Variants in NTRK1 observed in about 807,000 individuals in gnomAD.
The protein encoded by NTRK1 is neurotrophic receptor tyrosine kinase 1, also known as high affinity nerve growth factor receptor.
A neutral mutation model predicts 86.8 loss-of-function variants in NTRK1; 62 were observed. That is an observed-to-expected ratio of 0.71 (90% CI 0.58 to 0.88). The LOEUF (loss-of-function observed/expected upper bound fraction) is 0.88. Among genes scored for constraint, NTRK1 ranks in the 40% least tolerant of loss-of-function variants. NTRK1 has a pLI of 0.00. For synonymous variants in NTRK1, 469 were observed against 456.6 expected, an observed-to-expected ratio of 1.03 and a Z score of -0.35; for missense variants, 967 against 1,078.4, an observed-to-expected ratio of 0.90 and a Z score of 1.45.
At chr1:156,816,881 C>T (rs779679427) in intron 1 of NTRK1, 32 of 504,554 alleles carry the variant, frequency 6.3e-5, no homozygotes, top group Middle Eastern at 5.7e-4. Context: ...AGCCTTAAGA[C>T]GATTGTCCCA....
intron 15 of NTRK1, 82 bp downstream of exon 15, chr1:156,879,444 C>G (rs563492890): frequency 6.6e-7 from 1 of 1,513,398 alleles, no homozygotes; most frequent in Admixed American, 1.8e-5. Context: ...AGAGCCTGCC[C>G]TTGCTAGGAT....
Position 156,869,205 on chromosome 1 carries a change from G to A in NTRK1, c.717+558G>A, listed in dbSNP as rs546483331. On this transcript the variant is annotated intron_variant, in intron 6 of 16. Coordinates refer to ENST00000524377, the MANE Select transcript of NTRK1 (RefSeq NM_002529.4). Reference sequence around the variant, plus strand: ...TGCGATTCTCCTGCCTCAGCCTCCCGAGTAGCTGGGAGTACAGGCACGCGC... The same window carrying A: ...TGCGATTCTCCTGCCTCAGCCTCCCAAGTAGCTGGGAGTACAGGCACGCGC... Among the ~76,000 whole-genome samples the A allele has an allele frequency of 1.4e-4, 22 of 152,140 alleles. No homozygotes were observed. In the South Asian group the frequency reaches 3.7e-3, roughly 26 times the overall value.
chr1:156,862,482 G>A (rs763327806), intron 1 of NTRK1, among the ~76,000 whole-genome samples: 2 of 152,176 alleles, frequency 1.3e-5, no homozygotes, highest in Non-Finnish European at 2.9e-5. Flanking sequence ...GTCCAGCAGG[G>A]TAGGGATGGG....
intron 2 of NTRK1, chr1:156,851,166 A>G: frequency 1.0e-6 from 1 of 999,472 alleles, no homozygotes; most frequent in African/African-American, 1.6e-5. Flanking sequence ...AAGTTAACCT[A>G]CTTAGAGTCA....
chr1:156,855,125 AGTC>A (rs1655360982), intron 2 of NTRK1, among the ~76,000 whole-genome samples: 1 of 151,956 alleles, frequency 6.6e-6, no homozygotes, highest in Non-Finnish European at 1.5e-5. Context: ...CACCTCCTTA[AGTC>A]TGGCCAAATG....
At position 156,842,065 on chromosome 1, in the gene NTRK1, T is replaced by G. The variant is rs1245400627; in HGVS notation, c.-63-16T>G. 2.5e-6 allele frequency: 4 copies of G among 1,609,604 alleles called. No individual in the cohort carries two copies. The Admixed American group carries it at 6.7e-5, about 27-fold the overall frequency. ...TCTCCTGATGCCTAGCTTAAGGGAG[T>G]CTCTCTACTTTTCAGGCCGCCCTCA... On this transcript the variant is annotated splice_polypyrimidine_tract_variant and intron_variant, in intron 1 of 16. Coordinates refer to the NTRK1 transcript ENST00000392302.
chr1:156,860,717 G>A, upstream of NTRK1: 1 of 880,890 alleles, frequency 1.1e-6, no homozygotes, highest in Non-Finnish European at 1.6e-6. Context: ...GACGCTGGGG[G>A]CCCCTAACAG....
intron 1 of NTRK1, among the ~76,000 whole-genome samples, chr1:156,838,935 T>C (rs1654668981): frequency 6.6e-6 from 1 of 152,188 alleles, no homozygotes; most frequent in South Asian, 2.1e-4. Context: ...AGTGTGCAGG[T>C]CTCAGAGCCA....
At position 156,841,263 on chromosome 1, in the gene NTRK1, G is replaced by T. The variant is rs113794909; in HGVS notation, c.-63-818G>T. 6.6e-4 allele frequency: 675 copies of T among 1,028,282 alleles called. 7 individuals are homozygous for T. In the African/African-American group the frequency reaches 9.3e-3, roughly 14 times the overall value. The allele number at this position is 1,028,282 out of a possible 1,614,324, so 63.7% of individuals were successfully genotyped here. A position where few individuals can be genotyped will look rare whatever the true frequency, so the allele number is the denominator to read the frequency against. ...TGGGAGTCTTGGGGGTTTGGGATAG[G>T]GGGGTGGCGCTCATAGCTGAGGGTC... On this transcript the variant is annotated intron_variant, in intron 1 of 16. Coordinates refer to the NTRK1 transcript ENST00000392302.
Position 156,853,901 on chromosome 1 carries a change from C to G in NTRK1, c.51-10453C>G, listed in dbSNP as rs200515586. 1.7e-5 allele frequency: 28 copies of G among 1,614,072 alleles called. No homozygotes were observed. Among genetic ancestry groups the G allele is most frequent in the Non-Finnish European group, 3.4e-6 (4 of 1,180,050 alleles). ...CTTGTTGCCCACGATGTGGTTGGCG[C>G]CAGGTGCTGGCTGCAGCAGTCCCCA... On this transcript the variant is annotated intron_variant, in intron 2 of 16. Transcript: ENST00000392302.
At chr1:156,871,111 T>C (rs1410882110) in intron 6 of NTRK1, among the ~76,000 whole-genome samples, 7 of 152,200 alleles carry the variant, frequency 4.6e-5, no homozygotes, top group African/African-American at 1.7e-4. Flanking sequence ...GAGGTCCTAG[T>C]GGGGTCTCCA....
intron 2 of NTRK1, chr1:156,848,894 C>A (rs1655103009): frequency 6.5e-7 from 1 of 1,549,924 alleles, no homozygotes; most frequent in South Asian, 1.2e-5. Flanking sequence ...GTCCCGCCCC[C>A]GCTCCGGCCC....
At chr1:156,845,247 T>A in intron 2 of NTRK1, 1 of 1,611,234 alleles carries the variant, frequency 6.2e-7, no homozygotes, top group East Asian at 2.2e-5. Context: ...TCCGAGCTGT[T>A]GCCCCCCAGC....
chr1:156,853,742 C>T (rs775831182), intron 2 of NTRK1: 7 of 1,589,492 alleles, frequency 4.4e-6, no homozygotes, highest in Non-Finnish European at 6.0e-6. Context: ...TGTTCTGTGC[C>T]AGTGCCCACC....
chr1:156,843,571 G>C lies in NTRK1; in HGVS notation c.50+1378G>C, dbSNP rs981200224. 1.2e-5 allele frequency: 16 copies of C among 1,333,380 alleles called. No individual in the cohort carries two copies. In the African/African-American group the frequency reaches 1.9e-4, roughly 16 times the overall value. The allele number at this position is 1,333,380 out of a possible 1,614,324, so 82.6% of individuals were successfully genotyped here. ...AGGAAGAAGGACATTTCAAGGAGGAGGGAAGTTACTGACCACACCCCCAGC... is the reference window on the plus strand; with the variant it reads ...AGGAAGAAGGACATTTCAAGGAGGACGGAAGTTACTGACCACACCCCCAGC... On this transcript the variant is annotated intron_variant, in intron 2 of 16. Transcript: ENST00000392302.
At chr1:156,849,350 C>A in intron 2 of NTRK1, 1 of 1,613,918 alleles carries the variant, frequency 6.2e-7, no homozygotes, top group Non-Finnish European at 8.5e-7. Context: ...CAAGCAGAGG[C>A]GCGGGTTGAA....
intron 1 of NTRK1, among the ~76,000 whole-genome samples, chr1:156,835,275 A>T (rs1196315720): frequency 6.6e-6 from 1 of 152,146 alleles, no homozygotes; most frequent in African/African-American, 2.4e-5. Context: ...AATAAAATGG[A>T]CTTTGTCCCA....
intron 1 of NTRK1, among the ~76,000 whole-genome samples, chr1:156,817,047 T>TTCTCCCTCTCTC (rs148320709): frequency 2.6e-5 from 3 of 113,782 alleles, no homozygotes; most frequent in Non-Finnish European, 5.5e-5. Flanking sequence ...GAACTTCCCT[T>TTCTCCCTCTCTC]TCTCTCTCTC....
rs2102869987 is a variant in NTRK1, at chr1:156,854,036, A to G, written c.51-10318A>G. ...CACGTCACGCAGATGTGGCATCTCA[A>G]AGATGACCAGTGCATAGCCCAGGAA... On this transcript the variant is annotated intron_variant, in intron 2 of 16. Transcript: ENST00000392302. The surrounding 1 kb of genome is among the most constrained non-coding windows in gnomAD (Gnocchi z 4.2). 1 of 1,614,102 alleles carries G rather than the reference A, an allele frequency of 6.2e-7. No homozygotes were observed. The highest frequency in any genetic ancestry group is 8.5e-7 in the Non-Finnish European group (1 of 1,180,016).
Sources: allele counts gnomAD v4.1 joint callset (sites outside exome capture counted in the v4.1 genomes callset), GRCh38; gene constraint gnomAD v4.1.1; non-coding constraint Gnocchi (gnomAD v3.1); transcripts MANE v1.5; gene names NCBI Gene and HGNC (gene_info 2026-07-23, HGNC 2026-07-21).